Variants in NUP37 observed in about 807,000 individuals in gnomAD.
NUP37 encodes nucleoporin 37, also known as nucleoporin Nup37.
A neutral mutation model predicts 45.4 loss-of-function variants in NUP37; 33 were observed. The observed-to-expected ratio is 0.73, with a 90% CI of 0.55 to 0.97. NUP37 has a LOEUF of 0.97. NUP37 is among the 50% of genes least tolerant of loss of function. The pLI, the probability that NUP37 is intolerant of heterozygous loss-of-function variation, is 0.00. For missense variants in NUP37, 365 were observed against 389.7 expected (o/e 0.94, Z 0.53); for synonymous variants, 127 against 130.7 (o/e 0.97, Z 0.19).
chr12:102,111,378 AT>A (rs1195892502), intron 3 of NUP37, among the ~76,000 whole-genome samples: 1 of 152,172 alleles, frequency 6.6e-6, no homozygotes, highest in African/African-American at 2.4e-5. Context: ...AAATATACGT[AT>A]TTGTCAAAAC....
chr12:102,074,223 A>C lies in NUP37; in HGVS notation c.*131T>G, dbSNP rs1879104929. On this transcript the variant is annotated 3_prime_UTR_variant, in exon 10 of 10. Transcript: ENST00000552283. Reference sequence around the variant, plus strand: ...AAACCATCAACATTTTATTTAATAAAAGCAACTGAGACATTTTCTAAAGTA... The same window carrying C: ...AAACCATCAACATTTTATTTAATAACAGCAACTGAGACATTTTCTAAAGTA... 1 of 498,326 alleles carries C rather than the reference A, an allele frequency of 2.0e-6. No homozygotes were observed. Among genetic ancestry groups the C allele is most frequent in the Non-Finnish European group, 3.5e-6 (1 of 285,164 alleles). 30.9% of individuals were successfully genotyped at this position (498,326 alleles called of 1,614,324 possible). A position where few individuals can be genotyped will look rare whatever the true frequency, so the allele number is the denominator to read the frequency against.
chr12:102,093,937 C>T (rs1290263488), intron 5 of NUP37, among the ~76,000 whole-genome samples: 1 of 152,102 alleles, frequency 6.6e-6, no homozygotes, highest in Non-Finnish European at 1.5e-5. Flanking sequence ...AACAAAGTAT[C>T]AGCTACTAGA....
At chr12:102,081,717 T>G (rs1375433979) in intron 6 of NUP37, among the ~76,000 whole-genome samples, 1 of 148,738 alleles carries the variant, frequency 6.7e-6, no homozygotes, top group Non-Finnish European at 1.5e-5. Flanking sequence ...ATTTAGCTAT[T>G]TTTTTTTTTT....
At chr12:102,119,169 G>C (rs2136777570) in intron 1 of NUP37, 1 of 152,332 alleles carries the variant, frequency 6.6e-6, no homozygotes, top group South Asian at 2.1e-4. Flanking sequence ...GGATAGTTAT[G>C]ACTCAACGTG....
intron 8 of NUP37, 83 bp from the exon 9 acceptor site, chr12:102,075,177 T>A: frequency 1.2e-6 from 1 of 839,998 alleles, no homozygotes; most frequent in Non-Finnish European, 1.8e-6. Flanking sequence ...TTTCTTTTTC[T>A]TTTTCTTTTT....
At chr12:102,114,327 C>T (rs534160033) in intron 2 of NUP37, among the ~76,000 whole-genome samples, 2 of 151,812 alleles carry the variant, frequency 1.3e-5, no homozygotes, top group African/African-American at 4.8e-5. Context: ...TATGGAATTA[C>T]TGGGTGGTCA....
chr12:102,091,291 G>A (rs1310182955), intron 5 of NUP37, among the ~76,000 whole-genome samples: 3 of 151,226 alleles, frequency 2.0e-5, no homozygotes, highest in South Asian at 2.1e-4. Flanking sequence ...CCAGCTACTC[G>A]GGAGGCTGAG....
intron 5 of NUP37, among the ~76,000 whole-genome samples, chr12:102,096,509 TA>T (rs1490916050): frequency 1.3e-5 from 2 of 152,190 alleles, no homozygotes; most frequent in African/African-American, 4.8e-5. Context: ...GATTATAATA[TA>T]GTGTCTTTCT....
chr12:102,082,247 T>TA (rs1412227858), intron 6 of NUP37, among the ~76,000 whole-genome samples: 1 of 152,184 alleles, frequency 6.6e-6, no homozygotes, highest in Non-Finnish European at 1.5e-5. Context: ...CGGCTTTTTT[T>TA]ATGGTTTATA....
chr12:102,091,209 C>T (rs1879641473), intron 5 of NUP37, among the ~76,000 whole-genome samples: 1 of 151,752 alleles, frequency 6.6e-6, no homozygotes, highest in African/African-American at 2.4e-5. Context: ...CCAGCCTGAC[C>T]AATATGGTGA....
chr12:102,074,783 T>C, intron 9 of NUP37: 2 of 456,226 alleles, frequency 4.4e-6, no homozygotes. Context: ...ATATGAATAC[T>C]GGCCAAAAAA....
intron 9 of NUP37, 28 bp from the exon 10 acceptor site, chr12:102,074,495 G>T: frequency 7.6e-7 from 1 of 1,308,402 alleles, no homozygotes; most frequent in Non-Finnish European, 1.1e-6. Context: ...AATTAAAGAA[G>T]CACAGTAAGT....
rs1879203113 is a variant in NUP37 at position 102,077,389 on chromosome 12, T to A, written c.655A>T (p.Lys219Ter). The A allele has an allele frequency of 6.2e-7, 1 of 1,614,182 alleles. No individual in the cohort carries two copies. Among genetic ancestry groups the A allele is most frequent in the East Asian group, 2.2e-5 (1 of 44,876 alleles). Residue 219 changes from lysine (K) to a stop codon, truncating the protein, a stop_gained, in exon 7 of 10, where the codon AAA becomes TAA. Transcript: ENST00000552283. LOFTEE classifies it high-confidence loss of function. ...VPLMSAHWCL[K>*]NTFKVGAVAG... Reference sequence around the variant, plus strand: ...ACGGCTCCAACTTTGAAGGTGTTTTTTAAGCACCAGTGTGCTGACATTAAT... The same window carrying A: ...ACGGCTCCAACTTTGAAGGTGTTTTATAAGCACCAGTGTGCTGACATTAAT...
chr12:102,113,104 C>G (rs974729959), intron 2 of NUP37, among the ~76,000 whole-genome samples: 1 of 152,184 alleles, frequency 6.6e-6, no homozygotes, highest in Non-Finnish European at 1.5e-5. Flanking sequence ...GAAAAGTTCT[C>G]CCATTACAAC....
rs1445309491 is a variant in NUP37, at chr12:102,073,566, G to A, written c.*788C>T. The A allele has an allele frequency of 1.3e-5, 2 of 152,276 alleles. No homozygotes were observed. The highest frequency in any genetic ancestry group is 1.9e-4 in the East Asian group (1 of 5,190). 9.4% of individuals were successfully genotyped at this position (152,276 alleles called of 1,614,324 possible). ...ATCTGCGTATAATAAACAGGGTTGA[G>A]CAATATAATCAATCACATATTTAAG... On this transcript the variant is annotated 3_prime_UTR_variant, in exon 10 of 10. Coordinates refer to ENST00000552283, the MANE Select transcript of NUP37 (RefSeq NM_024057.4).
chr12:102,096,611 C>G (rs1238215639), intron 5 of NUP37, among the ~76,000 whole-genome samples: 1 of 152,104 alleles, frequency 6.6e-6, no homozygotes, highest in Non-Finnish European at 1.5e-5. Context: ...TGGGTCTGCT[C>G]TTTACAGTAC....
chr12:102,095,419 G>A (rs1191443162), intron 5 of NUP37, among the ~76,000 whole-genome samples: 1 of 151,976 alleles, frequency 6.6e-6, no homozygotes, highest in Non-Finnish European at 1.5e-5. Context: ...ATCAACCTGT[G>A]TATATATGTG....
chr12:102,086,847 G>A (rs1296832206), intron 5 of NUP37, among the ~76,000 whole-genome samples: 1 of 152,238 alleles, frequency 6.6e-6, no homozygotes, highest in Non-Finnish European at 1.5e-5. Context: ...ACTTTGGGAG[G>A]CTGAGACAGA....
At chr12:102,107,057 C>T (rs1421718749) in intron 3 of NUP37, among the ~76,000 whole-genome samples, 1 of 152,144 alleles carries the variant, frequency 6.6e-6, no homozygotes, top group Admixed American at 6.6e-5. Flanking sequence ...ATATAAACCC[C>T]TAATTTTAGT....
Sources: gnomAD v4.1 joint callset for allele counts (sites outside exome capture counted in the v4.1 genomes callset) on GRCh38, gnomAD v4.1.1 for gene constraint, MANE v1.5 for transcripts, NCBI Gene and HGNC (gene_info 2026-07-23, HGNC 2026-07-21) for gene names.